Variants in TBL1XR1 observed in about 807,000 individuals in gnomAD.
TBL1XR1 encodes TBL1X/Y related 1, also known as F-box-like/WD repeat-containing protein TBL1XR1.
A neutral mutation model predicts 66.9 loss-of-function variants in TBL1XR1; 5 were observed. The ratio of observed to expected loss-of-function variants is 0.07; its 90% CI spans 0.04 to 0.16. The LOEUF is 0.16. Among genes scored for constraint, TBL1XR1 ranks in the 10% least tolerant of loss-of-function variants. TBL1XR1 has a pLI of 1.00. For synonymous variants in TBL1XR1, 210 were observed against 206.0 expected, an observed-to-expected ratio of 1.02 and a Z score of -0.17; for missense variants, 238 against 623.2, an observed-to-expected ratio of 0.38 and a Z score of 6.58.
At chr3:177,181,864 G>C (rs1168714780) in intron 1 of TBL1XR1, among the ~76,000 whole-genome samples, 3 of 151,340 alleles carry the variant, frequency 2.0e-5, no homozygotes, top group Non-Finnish European at 2.9e-5. Flanking sequence ...GGTCTAAAGA[G>C]ACTGCAGAAT....
At position 177,051,294 on chromosome 3, in the gene TBL1XR1, G is replaced by T. The variant is rs1451493341; in HGVS notation, c.427+210C>A. On this transcript the variant is annotated intron_variant, in intron 5 of 15. Transcript: ENST00000457928. The stretch of plus-strand genomic sequence containing the variant: ...ATTCTTGTCTCCTGGGACCTTCCTG[G>T]GGGGTGGAGGGTGGGAGGAAGAGGA... 3.4e-4 allele frequency among the ~76,000 whole-genome samples: 51 copies of T among 151,830 alleles called. 1 individual carries two copies. The highest frequency in any genetic ancestry group is 3.3e-3 in the Admixed American group (51 of 15,230).
At chr3:177,173,256 A>G (rs1193600712) in intron 1 of TBL1XR1, among the ~76,000 whole-genome samples, 1 of 152,154 alleles carries the variant, frequency 6.6e-6, no homozygotes, top group Non-Finnish European at 1.5e-5. Context: ...TATGTCCACA[A>G]ATTTTCCATG....
chr3:177,185,802 G>A (rs1050255415), intron 1 of TBL1XR1, among the ~76,000 whole-genome samples: 5 of 151,896 alleles, frequency 3.3e-5, no homozygotes, highest in Non-Finnish European at 7.4e-5. Flanking sequence ...CCAGGAATTC[G>A]AGACCAGCCT....
At chr3:177,172,248 A>G (rs9682370) in intron 1 of TBL1XR1, among the ~76,000 whole-genome samples, 66,711 of 139,678 alleles carry the variant, frequency 0.48, 16,623 homozygotes, top group Non-Finnish European at 0.56. Flanking sequence ...GAGACAAAGC[A>G]AAACTCCCAC....
At chr3:177,072,027 A>G (rs1331159351) in intron 2 of TBL1XR1, among the ~76,000 whole-genome samples, 1 of 152,198 alleles carries the variant, frequency 6.6e-6, no homozygotes, top group African/African-American at 2.4e-5. Flanking sequence ...TACATTCCTT[A>G]TATGTGCCCT....
chr3:177,132,783 C>G lies in TBL1XR1; in HGVS notation c.-121-34242G>C, dbSNP rs1039049787. Among the ~76,000 whole-genome samples the G allele has an allele frequency of 2.0e-5, 3 of 152,086 alleles. No individual in the cohort carries two copies. The South Asian group carries it at 6.2e-4, about 32-fold the overall frequency. ...GTAAGGGTGGCTACAGAGTGGCAAG[C>G]AATAAACAAATGGCAGGAAATTAAA... On this transcript the variant is annotated intron_variant, in intron 1 of 15. Transcript: ENST00000457928.
At chr3:177,097,257 T>C (rs1307732403) in intron 2 of TBL1XR1, among the ~76,000 whole-genome samples, 1 of 152,214 alleles carries the variant, frequency 6.6e-6, no homozygotes, top group East Asian at 1.9e-4. Flanking sequence ...GGTAATGAAC[T>C]ACAGAAAATA....
chr3:177,038,591 A>G, intron 10 of TBL1XR1, 157 bp from the exon 11 acceptor site: 1 of 692,444 alleles, frequency 1.4e-6, no homozygotes, highest in Non-Finnish European at 2.1e-6. Context: ...TTAAAATAAA[A>G]GTATCTATAT....
intron 5 of TBL1XR1, among the ~76,000 whole-genome samples, chr3:177,050,914 T>C (rs1431444900): frequency 6.6e-6 from 1 of 152,138 alleles, no homozygotes; most frequent in African/African-American, 2.4e-5. Context: ...TTAAATATAA[T>C]GTCTATCAGT....
At chr3:177,167,913 C>G (rs1024243715) in intron 1 of TBL1XR1, among the ~76,000 whole-genome samples, 1 of 151,368 alleles carries the variant, frequency 6.6e-6, no homozygotes, top group African/African-American at 2.4e-5. Context: ...GCAACAAGAG[C>G]GAAACACTGT....
At chr3:177,127,762 A>G (rs1727818664) in intron 1 of TBL1XR1, among the ~76,000 whole-genome samples, 4 of 152,238 alleles carry the variant, frequency 2.6e-5, no homozygotes, top group African/African-American at 9.6e-5. Flanking sequence ...GTTTAAACAT[A>G]TACCGGCAGT....
At chr3:177,188,955 C>T (rs1016495415) in intron 1 of TBL1XR1, among the ~76,000 whole-genome samples, 1 of 152,206 alleles carries the variant, frequency 6.6e-6, no homozygotes, top group Non-Finnish European at 1.5e-5. Flanking sequence ...CGCCTGTAAT[C>T]CCAGCACTTG....
chr3:177,093,624 C>T (rs1052049173), intron 2 of TBL1XR1, among the ~76,000 whole-genome samples: 2 of 152,044 alleles, frequency 1.3e-5, no homozygotes, highest in Non-Finnish European at 2.9e-5. Context: ...TAAAAATAGG[C>T]ACATAGGCCA....
intron 1 of TBL1XR1, among the ~76,000 whole-genome samples, chr3:177,175,184 T>A (rs1362732571): frequency 6.6e-6 from 1 of 152,214 alleles, no homozygotes; most frequent in East Asian, 1.9e-4. Flanking sequence ...TGAATAACAT[T>A]GTATTGTACT....
intron 2 of TBL1XR1, among the ~76,000 whole-genome samples, chr3:177,076,363 G>A (rs907808811): frequency 6.6e-6 from 1 of 152,172 alleles, no homozygotes; most frequent in East Asian, 1.9e-4. Flanking sequence ...TCTTCACACT[G>A]TTCTCCCTCT....
intron 1 of TBL1XR1, among the ~76,000 whole-genome samples, chr3:177,118,962 A>C (rs75636627): frequency 0.02 from 3,053 of 152,142 alleles, 99 homozygotes; most frequent in African/African-American, 0.07. Flanking sequence ...AACCTGGATA[A>C]TCAGGTTTTT....
At chr3:177,084,183 A>G (rs1721838824) in intron 2 of TBL1XR1, among the ~76,000 whole-genome samples, 1 of 152,232 alleles carries the variant, frequency 6.6e-6, no homozygotes, top group Non-Finnish European at 1.5e-5. Context: ...GTTTTAACAA[A>G]CGTATGTACC....
intron 1 of TBL1XR1, among the ~76,000 whole-genome samples, chr3:177,172,884 T>C (rs1733730357): frequency 6.6e-6 from 1 of 150,396 alleles, no homozygotes. Flanking sequence ...TTTTAACATA[T>C]TTCTTTGGCC....
rs953851176 is a variant in TBL1XR1, at chr3:177,197,361, A to T, written c.-362T>A. On this transcript the variant is annotated 5_prime_UTR_variant, in exon 1 of 16. Coordinates refer to ENST00000457928, the MANE Select transcript of TBL1XR1 (RefSeq NM_024665.7). Reference sequence around the variant, plus strand: ...GCGGAGGTGCTCCCGCCGCGGGGGGAGGGGCGGGGGCGCACGCGGCCGGCG... The same window carrying T: ...GCGGAGGTGCTCCCGCCGCGGGGGGTGGGGCGGGGGCGCACGCGGCCGGCG... 32 of 104,508 alleles carry T rather than the reference A, an allele frequency of 3.1e-4. No homozygotes were observed. Among genetic ancestry groups the T allele is most frequent in the Non-Finnish European group, 5.4e-4 (26 of 48,482 alleles). The allele number at this position is 104,508 out of a possible 1,614,324, so 6.5% of individuals were successfully genotyped here.
Sources: allele counts gnomAD v4.1 joint callset (sites outside exome capture counted in the v4.1 genomes callset), GRCh38; gene constraint gnomAD v4.1.1; transcripts MANE v1.5; gene names NCBI Gene and HGNC (gene_info 2026-07-23, HGNC 2026-07-21).